TNR: variants seen among roughly 807,000 people sequenced by gnomAD.
The protein encoded by TNR is tenascin-R.
TNR carries 45 observed loss-of-function variants against 150.4 expected under a neutral mutation model. The observed-to-expected ratio is 0.30, with a 90% CI of 0.24 to 0.38. The LOEUF is 0.38. TNR is among the 10% of genes least tolerant of loss of function. The probability of loss-of-function intolerance (pLI) is 1.00; values close to 1 mark genes in which losing one functional copy is unlikely to be tolerated. For synonymous variants in TNR, 687 were observed against 678.4 expected (o/e 1.01, Z -0.20); for missense variants, 1,544 against 1,759.1 (o/e 0.88, Z 2.19).
At chr1:175,413,170 C>T (rs1054132932) in intron 2 of TNR, among the ~76,000 whole-genome samples, 3 of 152,168 alleles carry the variant, frequency 2.0e-5, no homozygotes, top group Non-Finnish European at 2.9e-5. Flanking sequence ...GGATTATAGG[C>T]GTGTGCCACC....
intron 1 of TNR, among the ~76,000 whole-genome samples, chr1:175,621,588 G>A (rs1453386644): frequency 1.3e-5 from 2 of 152,166 alleles, no homozygotes; most frequent in East Asian, 3.8e-4. Context: ...ATCTCATAGG[G>A]TTGTTGTATA....
intron 2 of TNR, among the ~76,000 whole-genome samples, chr1:175,407,711 GCA>G (rs1654025091): frequency 1.3e-5 from 2 of 152,196 alleles, no homozygotes; most frequent in South Asian, 4.1e-4. Flanking sequence ...TTTGCACTCA[GCA>G]CAGACTGTGC....
intron 2 of TNR, among the ~76,000 whole-genome samples, chr1:175,482,817 C>T (rs1327968880): frequency 6.6e-6 from 1 of 152,162 alleles, no homozygotes; most frequent in African/African-American, 2.4e-5. Flanking sequence ...GAGGCTTGTA[C>T]TAAGAGAGCA....
At position 175,316,273 on chromosome 1, in the gene TNR, G is replaced by A. The variant is rs2101971956; in HGVS notation, c.*7084C>T. 1 of 152,308 alleles carries A rather than the reference G, an allele frequency of 6.6e-6. No homozygotes were observed. Among genetic ancestry groups the A allele is most frequent in the South Asian group, 2.1e-4 (1 of 4,824 alleles). 9.4% of individuals were successfully genotyped at this position (152,308 alleles called of 1,614,324 possible). On this transcript the variant is annotated 3_prime_UTR_variant, in exon 23 of 23. Transcript: ENST00000367674. Reference sequence around the variant, plus strand: ...GCCTTCCCACCCACTAGGGATGTGGGGCAGGTAAGGAGTGGGGAAAAGAAA... The same window carrying A: ...GCCTTCCCACCCACTAGGGATGTGGAGCAGGTAAGGAGTGGGGAAAAGAAA...
intron 2 of TNR, among the ~76,000 whole-genome samples, chr1:175,486,085 G>T (rs948627981): frequency 7.3e-5 from 11 of 151,454 alleles, no homozygotes; most frequent in South Asian, 2.1e-4. Flanking sequence ...GTTTTGGGAT[G>T]AAACTGTTCC....
chr1:175,544,885 T>C (rs935899294), intron 1 of TNR, among the ~76,000 whole-genome samples: 1 of 152,230 alleles, frequency 6.6e-6, no homozygotes, highest in Non-Finnish European at 1.5e-5. Context: ...CTTTGGCCAA[T>C]AGAATGTGAG....
chr1:175,494,145 C>G (rs746943529), intron 2 of TNR, among the ~76,000 whole-genome samples: 19 of 152,142 alleles, frequency 1.2e-4, no homozygotes, highest in Non-Finnish European at 2.5e-4. Context: ...TTCCCCACCC[C>G]GCCCCCTCCC....
In TNR at chr1:175,331,124, TTC is replaced by T. The variant is rs1434910365; in HGVS notation, c.3632-891_3632-890del. On this transcript the variant is annotated intron_variant, in intron 20 of 22. Coordinates refer to ENST00000367674, the MANE Select transcript of TNR (RefSeq NM_003285.3). ...TTCTCTCTCTCTTTCTTTTCTTTCT[TTC>T]TTTCTTTTCTTTCTTTCTTCCTTTC... is the stretch of plus-strand genomic sequence containing the variant. 2.1e-5 allele frequency among the ~76,000 whole-genome samples: 3 copies of T among 140,366 alleles called. 1 individual carries two copies. The highest frequency in any genetic ancestry group is 8.3e-5 in the African/African-American group (3 of 36,110). The allele number at this position is 140,366 out of a possible 152,430, so 92.1% of individuals were successfully genotyped here.
intron 1 of TNR, among the ~76,000 whole-genome samples, chr1:175,547,613 C>G (rs3980107): frequency 0.15 from 1,836 of 12,112 alleles, 45 homozygotes; most frequent in African/African-American, 0.29. Flanking sequence ...AAGAAAGAAA[C>G]AAAGAAACAA....
At chr1:175,638,024 G>C (rs1664538450) in intron 1 of TNR, among the ~76,000 whole-genome samples, 1 of 152,096 alleles carries the variant, frequency 6.6e-6, no homozygotes, top group Non-Finnish European at 1.5e-5. Context: ...TCCATTACTT[G>C]ACAAGCTGCA....
chr1:175,342,354 A>C lies in TNR; in HGVS notation c.3383-4675T>G, dbSNP rs558735987. On this transcript the variant is annotated intron_variant, in intron 18 of 22. Transcript: ENST00000367674. ...GGAACTGACCTGGATGCTGGCCACA[A>C]ATTGGTGGAGAAGGGTGTTCCAGAC... is the stretch of plus-strand genomic sequence containing the variant. Among the ~76,000 whole-genome samples, 3 of 152,150 alleles carry C rather than the reference A, an allele frequency of 2.0e-5. No individual in the cohort carries two copies. In the South Asian group the frequency reaches 6.2e-4, roughly 32 times the overall value.
chr1:175,680,414 CAG>C (rs1665994254), intron 1 of TNR, among the ~76,000 whole-genome samples: 1 of 151,828 alleles, frequency 6.6e-6, no homozygotes, highest in Non-Finnish European at 1.5e-5. Flanking sequence ...AGAAGCATGG[CAG>C]AGAGGGAGTG....
At chr1:175,402,447 T>C (rs1339573936) in intron 4 of TNR, among the ~76,000 whole-genome samples, 3 of 150,646 alleles carry the variant, frequency 2.0e-5, no homozygotes, top group African/African-American at 7.3e-5. Context: ...AGACTATACA[T>C]AGGGTTGGTT....
At chr1:175,522,015 A>G (rs1035092563) in intron 2 of TNR, among the ~76,000 whole-genome samples, 9 of 152,154 alleles carry the variant, frequency 5.9e-5, no homozygotes, top group Non-Finnish European at 8.8e-5. Flanking sequence ...TATATTTGAC[A>G]CAAAAATTAC....
At chr1:175,358,787 T>G (rs1256069542) in intron 15 of TNR, among the ~76,000 whole-genome samples, 2 of 152,222 alleles carry the variant, frequency 1.3e-5, no homozygotes, top group Non-Finnish European at 2.9e-5. Context: ...GACAGTGAAC[T>G]TCAAGATTTC....
intron 2 of TNR, among the ~76,000 whole-genome samples, chr1:175,492,504 T>A (rs79276218): frequency 0.013 from 2,033 of 152,248 alleles, 44 homozygotes; most frequent in African/African-American, 0.047. Flanking sequence ...CAGGGTAGTT[T>A]GGGAAAGATG....
At chr1:175,376,468 G>GCA (rs145622727) in intron 9 of TNR, among the ~76,000 whole-genome samples, 1 of 151,840 alleles carries the variant, frequency 6.6e-6, no homozygotes, top group African/African-American at 2.4e-5. Context: ...TGGCAAGCCT[G>GCA]GGTACAGAGT....
chr1:175,448,518 G>T (rs1656161678), intron 2 of TNR, among the ~76,000 whole-genome samples: 1 of 152,126 alleles, frequency 6.6e-6, no homozygotes, highest in African/African-American at 2.4e-5. Flanking sequence ...CGCCTTCAGG[G>T]ATTTTATAAC....
intron 1 of TNR, among the ~76,000 whole-genome samples, chr1:175,541,423 G>A (rs755605195): frequency 1.3e-5 from 2 of 152,234 alleles, no homozygotes; most frequent in African/African-American, 4.8e-5. Context: ...GCTAGAAACT[G>A]TGTGCAGAGG....
Sources: allele counts gnomAD v4.1 joint callset (sites outside exome capture counted in the v4.1 genomes callset), GRCh38; gene constraint gnomAD v4.1.1; transcripts MANE v1.5; gene names NCBI Gene and HGNC (gene_info 2026-07-23, HGNC 2026-07-21).